ACBD6: variants seen among roughly 807,000 people sequenced by gnomAD.
The protein encoded by ACBD6 is acyl-CoA binding domain containing 6.
In ACBD6, 28 loss-of-function variants were observed where a neutral mutation model predicts 37.2. The observed-to-expected ratio is 0.75, with a 90% CI of 0.56 to 1.03. ACBD6 has a LOEUF of 1.03. ACBD6 is among the 50% of genes least tolerant of loss of function. ACBD6 has a pLI of 0.00. For missense variants in ACBD6, 340 were observed against 337.4 expected (o/e 1.01, Z -0.06); for synonymous variants, 113 against 126.8 (o/e 0.89, Z 0.73).
At chr1:180,339,732 A>G (rs889708967) in intron 6 of ACBD6, among the ~76,000 whole-genome samples, 3 of 152,010 alleles carry the variant, frequency 2.0e-5, no homozygotes, top group Admixed American at 6.6e-5. Flanking sequence ...CGTGTTAGGC[A>G]CTGTTCTAAG....
At chr1:180,378,885 C>G (rs528458483) in intron 6 of ACBD6, among the ~76,000 whole-genome samples, 127 of 152,252 alleles carry the variant, frequency 8.3e-4, no homozygotes, top group Non-Finnish European at 1.6e-3. Flanking sequence ...GAGGGTTGTC[C>G]CACCACTGCT....
intron 5 of ACBD6, among the ~76,000 whole-genome samples, chr1:180,398,485 C>T (rs1654346744): frequency 6.6e-6 from 1 of 152,158 alleles, no homozygotes; most frequent in Admixed American, 6.5e-5. Context: ...TCTGAAATAC[C>T]TCAAAAACAC....
At chr1:180,334,761 G>GA (rs1207918483) in intron 6 of ACBD6, among the ~76,000 whole-genome samples, 6 of 151,814 alleles carry the variant, frequency 4.0e-5, no homozygotes, top group Non-Finnish European at 7.4e-5. Flanking sequence ...TAAAAACCTT[G>GA]AAAAAAAATT....
Position 180,314,742 on chromosome 1 carries a change from T to C in ACBD6, c.664-20A>G. The C allele has an allele frequency of 6.6e-7, 1 of 1,518,734 alleles. No individual in the cohort carries two copies. Among genetic ancestry groups the C allele is most frequent in the Non-Finnish European group, 9.1e-7 (1 of 1,096,444 alleles). The allele number at this position is 1,518,734 out of a possible 1,614,324, so 94.1% of individuals were successfully genotyped here. A position where few individuals can be genotyped will look rare whatever the true frequency, so the allele number is the denominator to read the frequency against. Reference sequence around the variant, plus strand: ...ATTGTCCTATAAAAGAAACAAATAATACATTTTAGAAGTCTAAGTAATTGC... The same window carrying C: ...ATTGTCCTATAAAAGAAACAAATAACACATTTTAGAAGTCTAAGTAATTGC... On this transcript the variant is annotated intron_variant, in intron 6 of 7. Transcript: ENST00000367595.
chr1:180,489,590 A>G (rs1034232081), intron 3 of ACBD6, among the ~76,000 whole-genome samples: 1 of 151,610 alleles, frequency 6.6e-6, no homozygotes, highest in African/African-American at 2.4e-5. Flanking sequence ...GGTTTACTCA[A>G]GTGTATGTTC....
At chr1:180,380,070 G>A (rs776485409) in intron 6 of ACBD6, among the ~76,000 whole-genome samples, 8 of 152,020 alleles carry the variant, frequency 5.3e-5, no homozygotes, top group South Asian at 2.1e-4. Flanking sequence ...AGACCAGCCC[G>A]GGCAATATGG....
chr1:180,482,583 C>T (rs565786637), intron 3 of ACBD6, among the ~76,000 whole-genome samples: 12 of 151,216 alleles, frequency 7.9e-5, no homozygotes, highest in African/African-American at 2.7e-4. Context: ...TAGAAATTCC[C>T]GAGAATAAAA....
At chr1:180,380,438 GA>G (rs909163605) in intron 6 of ACBD6, among the ~76,000 whole-genome samples, 1 of 151,884 alleles carries the variant, frequency 6.6e-6, no homozygotes. Context: ...AGTCCTGAAG[GA>G]AAAAAATTGC....
intron 3 of ACBD6, among the ~76,000 whole-genome samples, chr1:180,460,617 C>T (rs182597394): frequency 6.6e-6 from 1 of 152,324 alleles, no homozygotes; most frequent in Admixed American, 6.5e-5. Flanking sequence ...GCTGGTGATA[C>T]CTCCAGGTAT....
chr1:180,468,342 T>C (rs1571550037), intron 3 of ACBD6, among the ~76,000 whole-genome samples: 2 of 151,986 alleles, frequency 1.3e-5, no homozygotes, highest in Admixed American at 1.3e-4. Flanking sequence ...CCTCCATGAG[T>C]TTGGCTGGAT....
chr1:180,379,462 T>G (rs1362741402), intron 6 of ACBD6, among the ~76,000 whole-genome samples: 1 of 151,890 alleles, frequency 6.6e-6, no homozygotes, highest in Non-Finnish European at 1.5e-5. Context: ...CTAAATAAGC[T>G]CAGTGAAATA....
At chr1:180,480,085 C>T (rs376564212) in intron 3 of ACBD6, among the ~76,000 whole-genome samples, 2 of 152,284 alleles carry the variant, frequency 1.3e-5, no homozygotes, top group East Asian at 3.9e-4. Flanking sequence ...AAAGGTGGGA[C>T]TCAAATGTGG....
chr1:180,425,022 C>A (rs16856007), intron 4 of ACBD6, among the ~76,000 whole-genome samples: 6,442 of 152,244 alleles, frequency 0.042, 433 homozygotes, highest in African/African-American at 0.14. Flanking sequence ...TCGCTTTAAT[C>A]GCCTTGTCAT....
chr1:180,491,337 C>G (rs998206069), intron 3 of ACBD6, among the ~76,000 whole-genome samples: 2 of 152,120 alleles, frequency 1.3e-5, no homozygotes, highest in African/African-American at 4.8e-5. Context: ...ACCTGTTAAT[C>G]ATTTAACAAT....
chr1:180,412,675 G>A (rs74423274), intron 5 of ACBD6, among the ~76,000 whole-genome samples: 20 of 152,124 alleles, frequency 1.3e-4, no homozygotes, highest in Middle Eastern at 3.4e-3. Context: ...AGACCAACCC[G>A]GGCGACATAG....
At chr1:180,501,177 T>G (rs921109270) in intron 1 of ACBD6, among the ~76,000 whole-genome samples, 6 of 152,198 alleles carry the variant, frequency 3.9e-5, no homozygotes, top group Non-Finnish European at 5.9e-5. Context: ...TTTCCTTTAC[T>G]GTAAAAGAAG....
At chr1:180,492,816 A>T (rs1441441933) in intron 2 of ACBD6, among the ~76,000 whole-genome samples, 1 of 152,186 alleles carries the variant, frequency 6.6e-6, no homozygotes, top group African/African-American at 2.4e-5. Flanking sequence ...CAATATTCCC[A>T]AGGAAAATGC....
At chr1:180,434,927 A>C in intron 3 of ACBD6, 1 of 781,412 alleles carries the variant, frequency 1.3e-6, no homozygotes, top group South Asian at 1.3e-5. Flanking sequence ...GCTCAGGCTC[A>C]GCCAACATTG....
chr1:180,487,866 T>G (rs1229420807), intron 3 of ACBD6, among the ~76,000 whole-genome samples: 1 of 152,200 alleles, frequency 6.6e-6, no homozygotes. Flanking sequence ...CAAAAACATT[T>G]ACTTTGTGGA....
Sources: gnomAD v4.1 joint callset for allele counts (sites outside exome capture counted in the v4.1 genomes callset) on GRCh38, gnomAD v4.1.1 for gene constraint, MANE v1.5 for transcripts, NCBI Gene and HGNC (gene_info 2026-07-23, HGNC 2026-07-21) for gene names.